The following GAD2 variants were observed in gnomAD, a reference collection of about 807,000 sequenced individuals.
The protein encoded by GAD2 is glutamate decarboxylase 2, also known as 65 kDa glutamic acid decarboxylase.
A neutral mutation model predicts 80.1 loss-of-function variants in GAD2; 22 were observed. The ratio of observed to expected loss-of-function variants is 0.27; its 90% CI spans 0.20 to 0.39. GAD2 has a LOEUF of 0.39. GAD2 is among the 10% of genes least tolerant of loss of function. GAD2 has a pLI of 1.00. For synonymous variants in GAD2, 274 were observed against 256.9 expected, an observed-to-expected ratio of 1.07 and a Z score of -0.64; for missense variants, 624 against 738.4, an observed-to-expected ratio of 0.85 and a Z score of 1.80.
chr10:26,269,226 G>A lies in GAD2; in HGVS notation c.975+53G>A. The A allele has an allele frequency of 5.6e-6, 8 of 1,428,196 alleles. No homozygotes were observed. The South Asian group carries it at 8.1e-5, about 15-fold the overall frequency. The allele number at this position is 1,428,196 out of a possible 1,614,324, so 88.5% of individuals were successfully genotyped here. On this transcript the variant is annotated intron_variant, in intron 9 of 15. Transcript: ENST00000376261. ...GCCCATATTTCTATTTCCATCCACC[G>A]GAGAACAAAATGTGTTTTGGTTTTA...
At position 26,217,756 on chromosome 10, in the gene GAD2, G is replaced by T; in HGVS notation, c.137-86G>T. ...CTCCGCATCCCAGTCAGCGGAGTCG[G>T]GGTTTCCTGGCTGCGGGTAGGCGGG... is the stretch of plus-strand genomic sequence containing the variant. On this transcript the variant is annotated intron_variant, in intron 2 of 15. Transcript: ENST00000376261. The surrounding 1 kb of genome is among the most constrained non-coding windows in gnomAD (Gnocchi z 4.9). The T allele has an allele frequency of 1.9e-6, 3 of 1,584,484 alleles. No individual in the cohort carries two copies. The highest frequency in any genetic ancestry group is 2.6e-6 in the Non-Finnish European group (3 of 1,164,316).
intron 13 of GAD2, among the ~76,000 whole-genome samples, chr10:26,288,657 C>A (rs760057031): frequency 1.3e-5 from 2 of 152,144 alleles, no homozygotes; most frequent in Admixed American, 1.3e-4. Flanking sequence ...CTGAGGAAAC[C>A]TTGATCTCTG....
At chr10:26,224,424 C>G (rs916649891) in intron 5 of GAD2, 115 bp from the exon 6 acceptor site, 1 of 739,216 alleles carries the variant, frequency 1.4e-6, no homozygotes, top group African/African-American at 1.8e-5. Flanking sequence ...ATGTTATAAT[C>G]ATAACACTTG....
chr10:26,262,362 T>C (rs919003496), intron 8 of GAD2, among the ~76,000 whole-genome samples: 2 of 151,846 alleles, frequency 1.3e-5, no homozygotes, highest in Non-Finnish European at 2.9e-5. Flanking sequence ...TCAAAAACTT[T>C]AAGATTATTA....
intron 15 of GAD2, among the ~76,000 whole-genome samples, chr10:26,299,279 C>T (rs1165760752): frequency 1.3e-5 from 2 of 152,164 alleles, no homozygotes; most frequent in Admixed American, 1.3e-4. Context: ...TTATAAGTCA[C>T]ATGTTCATAA....
chr10:26,287,025 A>G (rs1845341958), intron 13 of GAD2, among the ~76,000 whole-genome samples: 1 of 152,152 alleles, frequency 6.6e-6, no homozygotes, highest in South Asian at 2.1e-4. Flanking sequence ...TTCCCTCTGA[A>G]TTTAGCTGTA....
chr10:26,268,884 G>A (rs936748431), intron 8 of GAD2, among the ~76,000 whole-genome samples: 1 of 152,140 alleles, frequency 6.6e-6, no homozygotes, highest in African/African-American at 2.4e-5. Flanking sequence ...CATGGTAATC[G>A]TTCTATAGGG....
intron 8 of GAD2, among the ~76,000 whole-genome samples, chr10:26,267,157 C>T (rs1845082308): frequency 6.6e-6 from 1 of 152,166 alleles, no homozygotes; most frequent in Non-Finnish European, 1.5e-5. Flanking sequence ...AAAATTCTCC[C>T]AGGCAAAGGT....
chr10:26,280,928 C>A, intron 11 of GAD2, 81 bp from the exon 12 acceptor site: 3 of 842,198 alleles, frequency 3.6e-6, no homozygotes, highest in Non-Finnish European at 6.1e-6. Flanking sequence ...GAAACAATAC[C>A]AAGAAACTGA....
chr10:26,256,788 G>T (rs565348926), intron 8 of GAD2, among the ~76,000 whole-genome samples: 1 of 152,178 alleles, frequency 6.6e-6, no homozygotes, highest in African/African-American at 2.4e-5. Flanking sequence ...AGGTCACTCC[G>T]CTATGAAATG....
chr10:26,241,055 A>C (rs368302916), intron 7 of GAD2, among the ~76,000 whole-genome samples: 5 of 152,300 alleles, frequency 3.3e-5, no homozygotes, highest in East Asian at 1.9e-4. Context: ...AAAGAAAAAA[A>C]AAAGAGAGAG....
At chr10:26,229,903 G>A (rs1263004939) in intron 7 of GAD2, 126 bp downstream of exon 7, 3 of 675,770 alleles carry the variant, frequency 4.4e-6, no homozygotes, top group South Asian at 1.9e-5. Flanking sequence ...GAGGGAATGG[G>A]GGAGAAAGCT....
At chr10:26,233,326 A>G (rs1044847316) in intron 7 of GAD2, among the ~76,000 whole-genome samples, 44 of 152,258 alleles carry the variant, frequency 2.9e-4, no homozygotes, top group Admixed American at 2.7e-3. Context: ...AGTTTCCACC[A>G]GGAGCTGTTT....
At chr10:26,225,291 G>T (rs1023838787) in intron 6 of GAD2, among the ~76,000 whole-genome samples, 3 of 152,136 alleles carry the variant, frequency 2.0e-5, no homozygotes, top group African/African-American at 7.2e-5. Flanking sequence ...TGAATTCTAA[G>T]CTCCATTACT....
At chr10:26,218,742 G>A (rs888533807) in intron 3 of GAD2, among the ~76,000 whole-genome samples, 2 of 152,072 alleles carry the variant, frequency 1.3e-5, no homozygotes, top group African/African-American at 4.8e-5. Flanking sequence ...CGTTTAAGAC[G>A]AACTCCTGTG....
intron 13 of GAD2, among the ~76,000 whole-genome samples, chr10:26,288,671 A>G (rs1245669183): frequency 1.3e-5 from 2 of 152,196 alleles, no homozygotes; most frequent in Admixed American, 6.5e-5. Context: ...ATCTCTGAAT[A>G]TTGTGCCAAG....
intron 7 of GAD2, 151 bp downstream of exon 7, chr10:26,229,928 G>A: frequency 1.7e-6 from 1 of 601,106 alleles, no homozygotes; most frequent in South Asian, 2.1e-5. Context: ...GGTACTATGG[G>A]GTGTCCTCCT....
chr10:26,239,090 C>A (rs550909416), intron 7 of GAD2, among the ~76,000 whole-genome samples: 2 of 152,212 alleles, frequency 1.3e-5, no homozygotes, highest in South Asian at 2.1e-4. Context: ...ATATAATGAT[C>A]CCCATTCCCC....
At position 26,269,131 on chromosome 10, in the gene GAD2, T is replaced by C; in HGVS notation, c.933T>C (p.Ile311=). 1.3e-6 allele frequency: 2 copies of C among 1,596,480 alleles called. No homozygotes were observed. The highest frequency in any genetic ancestry group is 1.7e-6 in the Non-Finnish European group (2 of 1,170,628). The change falls in exon 9 of 16, where the codon ATT becomes ATC. Residue 311 remains isoleucine (I), a synonymous_variant. Coordinates refer to ENST00000376261, the MANE Select transcript of GAD2 (RefSeq NM_001134366.2). ...TTTTTCCTTCCAGAGGGAAAATGATTCCATCTGATCTTGAAAGAAGGATTC... is the reference window on the plus strand; with the variant it reads ...TTTTTCCTTCCAGAGGGAAAATGATCCCATCTGATCTTGAAAGAAGGATTC... ...LIKCDERGKM[I]PSDLERRILE...
Sources: allele counts gnomAD v4.1 joint callset (sites outside exome capture counted in the v4.1 genomes callset), GRCh38; gene constraint gnomAD v4.1.1; non-coding constraint Gnocchi (gnomAD v3.1); transcripts MANE v1.5; gene names NCBI Gene and HGNC (gene_info 2026-07-23, HGNC 2026-07-21).